The following PCDHA4 variants were observed in gnomAD, a reference collection of about 807,000 sequenced individuals.
The protein encoded by PCDHA4 is protocadherin alpha-4.
In PCDHA4, 49 loss-of-function variants were observed where a neutral mutation model predicts 61.4. The ratio of observed to expected loss-of-function variants is 0.80; its 90% confidence interval spans 0.63 to 1.01. The LOEUF (loss-of-function observed/expected upper bound fraction) is 1.01, where lower values mean the gene tolerates loss of function less well. Ranked by LOEUF, PCDHA4 falls within the 50% of genes least tolerant of loss-of-function variation. The pLI is 0.00. For synonymous variants in PCDHA4, 590 were observed against 550.3 expected, an observed-to-expected ratio of 1.07 and a Z score of -1.01; for missense variants, 1,254 against 1,235.8, an observed-to-expected ratio of 1.01 and a Z score of -0.22.
In PCDHA4 at chr5:141,010,350, G is replaced by A; in HGVS notation, c.*413G>A. The A allele has an allele frequency of 6.6e-7, 1 of 1,515,722 alleles. No individual in the cohort carries two copies. Among genetic ancestry groups the A allele is most frequent in the Non-Finnish European group, 8.8e-7 (1 of 1,132,152 alleles). The allele number at this position is 1,515,722 out of a possible 1,614,324, so 93.9% of individuals were successfully genotyped here. A position where few individuals can be genotyped will look rare whatever the true frequency, so the allele number is the denominator to read the frequency against. ...GGGAGTTTGTGGCCACTGGGTATGT[G>A]TGGCTACCGCGGGTATGCGAGTGCC... is the stretch of plus-strand genomic sequence containing the variant. On this transcript the variant is annotated 3_prime_UTR_variant, in exon 4 of 4. Transcript: ENST00000530339.
At position 140,808,318 on chromosome 5, in the gene PCDHA4, A is replaced by T; in HGVS notation, c.1131A>T (p.Lys377Asn). Reference protein sequence around the residue: ...TVIALISVSDKDMGVNGLVTC... With the variant: ...TVIALISVSDNDMGVNGLVTC... ...TCGCCCTGATCAGCGTGTCCGACAA[A>T]GACATGGGTGTCAATGGGCTGGTCA... The change falls in exon 1 of 4, where the codon AAA becomes AAT. Residue 377 changes from lysine (K) to asparagine (N), a missense_variant. Transcript: ENST00000530339. The T allele has an allele frequency of 1.2e-6, 2 of 1,614,246 alleles. No homozygotes were observed. The highest frequency in any genetic ancestry group is 1.7e-6 in the Non-Finnish European group (2 of 1,180,048).
intron 1 of PCDHA4, chr5:140,850,245 T>C (rs2150475422): frequency 5.6e-6 from 9 of 1,593,300 alleles, no homozygotes; most frequent in Non-Finnish European, 6.9e-6. Context: ...GGTGCTGCGG[T>C]CGGTGGGCGC....
rs57893927 is a variant in PCDHA4 at position 140,946,631 on chromosome 5, T to TATATAC, written c.2386-32317_2386-32316insTATACA. Among the ~76,000 whole-genome samples, 104 of 131,796 alleles carry TATATAC rather than the reference T, an allele frequency of 7.9e-4. 5 individuals are homozygous for TATATAC. Among genetic ancestry groups the TATATAC allele is most frequent in the Admixed American group, 1.7e-3 (23 of 13,490 alleles). The allele number at this position is 131,796 out of a possible 152,430, so 86.5% of individuals were successfully genotyped here. Reference sequence around the variant, plus strand: ...TGTGAAATATATATATATATATATATACAATGGAATACTCATCAGCCATTA... The same window carrying TATATAC: ...TGTGAAATATATATATATATATATATATATACACAATGGAATACTCATCAGCCATTA... On this transcript the variant is annotated intron_variant, in intron 1 of 3. Transcript: ENST00000530339.
In PCDHA4 at chr5:141,009,853, G is replaced by A. The variant is rs1482682626; in HGVS notation, c.2760G>A (p.Lys920=). The change falls in exon 4 of 4, where the codon AAG becomes AAA. Residue 920 remains lysine (K), a synonymous_variant. Transcript: ENST00000530339. ...FITFGKKEET[K]KKKKKKKGNK... ...CCTTCGGCAAAAAGGAGGAGACCAAGAAAAAGAAGAAAAAGAAGAAGGGTA... is the reference window on the plus strand; with the variant it reads ...CCTTCGGCAAAAAGGAGGAGACCAAAAAAAAGAAGAAAAAGAAGAAGGGTA... 12 of 1,613,590 alleles carry A rather than the reference G, an allele frequency of 7.4e-6. No individual in the cohort carries two copies. Among genetic ancestry groups the A allele is most frequent in the Non-Finnish European group, 1.0e-5 (12 of 1,179,924 alleles).
chr5:140,822,567 C>A (rs2150117321), intron 1 of PCDHA4: 19 of 1,612,660 alleles, frequency 1.2e-5, no homozygotes, highest in East Asian at 2.2e-5. Flanking sequence ...TTAAACTGAA[C>A]GCCTCAGATG....
chr5:140,919,115 T>G (rs2079009343), intron 1 of PCDHA4, among the ~76,000 whole-genome samples: 1 of 152,228 alleles, frequency 6.6e-6, no homozygotes, highest in Non-Finnish European at 1.5e-5. Context: ...TTCTGCCAGT[T>G]TTTGCTTCAT....
At chr5:140,843,429 C>T (rs2150359763) in intron 1 of PCDHA4, 1 of 1,596,144 alleles carries the variant, frequency 6.3e-7, no homozygotes, top group Non-Finnish European at 8.6e-7. Context: ...CTGATCATCG[C>T]CATCTGCGCG....
At chr5:140,842,005 G>T in intron 1 of PCDHA4, 1 of 1,613,756 alleles carries the variant, frequency 6.2e-7, no homozygotes, top group Admixed American at 1.7e-5. Flanking sequence ...CTGTTCAGCT[G>T]CTGGTCACAG....
At chr5:140,857,138 G>A in intron 1 of PCDHA4, 2 of 1,598,300 alleles carry the variant, frequency 1.3e-6, no homozygotes, top group Non-Finnish European at 1.7e-6. Context: ...AGATGCTCAA[G>A]TGGGCACCGT....
At chr5:140,821,936 A>G (rs1197810699) in intron 1 of PCDHA4, 1 of 1,614,162 alleles carries the variant, frequency 6.2e-7, no homozygotes, top group Non-Finnish European at 8.5e-7. Flanking sequence ...CTAGGGCTGG[A>G]GCTGGCGGAG....
At chr5:140,872,306 G>A (rs897321353) in intron 1 of PCDHA4, among the ~76,000 whole-genome samples, 4 of 151,928 alleles carry the variant, frequency 2.6e-5, no homozygotes, top group African/African-American at 9.7e-5. Context: ...CTTATATGCT[G>A]CTTTATGGAA....
chr5:140,858,881 T>A (rs1466953448), intron 1 of PCDHA4: 7 of 242,834 alleles, frequency 2.9e-5, no homozygotes, highest in Non-Finnish European at 5.6e-5. Flanking sequence ...TTTTCCTCCA[T>A]GTGTAGAATA....
At chr5:140,908,384 C>T (rs573373685) in intron 1 of PCDHA4, among the ~76,000 whole-genome samples, 2 of 152,172 alleles carry the variant, frequency 1.3e-5, no homozygotes, top group African/African-American at 2.4e-5. Flanking sequence ...TGCTCGAGCC[C>T]GATCACATAT....
chr5:140,824,610 G>GTTTTTTTTTTTTTTTTTTTTTTTTTTT (rs782443702), intron 1 of PCDHA4: 4 of 95,104 alleles, frequency 4.2e-5, no homozygotes, highest in Non-Finnish European at 5.6e-5. Context: ...GCTAATTAAA[G>GTTTTTTTTTTTTTTTTTTTTTTTTTTT]TTTTTTTTTT....
chr5:140,959,842 C>G (rs1219308136), intron 1 of PCDHA4, among the ~76,000 whole-genome samples: 2 of 152,118 alleles, frequency 1.3e-5, no homozygotes, highest in African/African-American at 4.8e-5. Context: ...ATGCCTGTAA[C>G]TGCTAAAGGA....
chr5:140,822,834 C>T, intron 1 of PCDHA4: 3 of 1,614,218 alleles, frequency 1.9e-6, no homozygotes, highest in Non-Finnish European at 2.5e-6. Context: ...CCATAACCAC[C>T]CTTTTCCTGC....
rs1301631971 is a variant in PCDHA4, at chr5:141,011,367, C to G, written c.*1430C>G. ...CAATCTCCCATATGTATGCTGTATG[C>G]TATGCTAAGACTCCTGAAATATACT... On this transcript the variant is annotated 3_prime_UTR_variant, in exon 4 of 4. Transcript: ENST00000530339. The G allele has an allele frequency of 1.3e-5, 2 of 153,830 alleles. No homozygotes were observed. The highest frequency in any genetic ancestry group is 1.3e-4 in the Admixed American group (2 of 15,298). 9.5% of individuals were successfully genotyped at this position (153,830 alleles called of 1,614,324 possible). A position where few individuals can be genotyped will look rare whatever the true frequency, so the allele number is the denominator to read the frequency against.
chr5:140,822,805 G>T (rs2150119492), intron 1 of PCDHA4: 2 of 1,614,160 alleles, frequency 1.2e-6, no homozygotes, highest in Non-Finnish European at 1.7e-6. Context: ...GGATGTGAAT[G>T]ATAATACCCC....
At chr5:141,000,589 A>G (rs1234300694) in intron 3 of PCDHA4, among the ~76,000 whole-genome samples, 3 of 150,422 alleles carry the variant, frequency 2.0e-5, no homozygotes, top group Admixed American at 2.0e-4. Context: ...CACCATGCCC[A>G]GCTAATTTTT....
Sources: allele counts gnomAD v4.1 joint callset (sites outside exome capture counted in the v4.1 genomes callset), GRCh38; gene constraint gnomAD v4.1.1; transcripts MANE v1.5; gene names NCBI Gene and HGNC (gene_info 2026-07-23, HGNC 2026-07-21).